SOS1: variants seen among roughly 807,000 people sequenced by gnomAD.
SOS1 encodes the protein SOS Ras/Rac guanine nucleotide exchange factor 1.
In SOS1, 25 loss-of-function variants were observed where a neutral mutation model predicts 157.6. The observed-to-expected ratio is 0.16, with a 90% CI of 0.12 to 0.22. The LOEUF is 0.22. SOS1 is among the 10% of genes least tolerant of loss of function. The pLI, the probability that SOS1 is intolerant of heterozygous loss-of-function variation, is 1.00. For missense variants in SOS1, 1,237 were observed against 1,599.1 expected (o/e 0.77, Z 3.86); for synonymous variants, 528 against 534.0 (o/e 0.99, Z 0.16).
At chr2:39,028,221 T>C (rs1670033292) in intron 8 of SOS1, among the ~76,000 whole-genome samples, 1 of 152,132 alleles carries the variant, frequency 6.6e-6, no homozygotes, top group South Asian at 2.1e-4. Context: ...TTTGGTCCCT[T>C]AGAAATAAGT....
chr2:39,029,643 A>G (rs1195054553), intron 8 of SOS1, among the ~76,000 whole-genome samples: 1 of 152,014 alleles, frequency 6.6e-6, no homozygotes, highest in East Asian at 1.9e-4. Flanking sequence ...ACAAAACAAA[A>G]AACAAAACCC....
chr2:39,116,014 T>C (rs1045949739), intron 1 of SOS1, among the ~76,000 whole-genome samples: 1 of 152,136 alleles, frequency 6.6e-6, no homozygotes, highest in African/African-American at 2.4e-5. Context: ...TGACGAACAT[T>C]GGATTGTTTC....
intron 1 of SOS1, among the ~76,000 whole-genome samples, chr2:39,083,840 A>G (rs1672287178): frequency 6.6e-6 from 1 of 152,222 alleles, no homozygotes; most frequent in Non-Finnish European, 1.5e-5. Flanking sequence ...TACACTGTGG[A>G]ATATGATTGT....
chr2:39,084,080 C>T (rs1337280973), intron 1 of SOS1, among the ~76,000 whole-genome samples: 1 of 152,052 alleles, frequency 6.6e-6, no homozygotes, highest in Non-Finnish European at 1.5e-5. Context: ...CATCTATAAG[C>T]CAAGGAGAGA....
chr2:39,104,548 C>A (rs1358351632), intron 1 of SOS1, among the ~76,000 whole-genome samples: 3 of 152,182 alleles, frequency 2.0e-5, no homozygotes, highest in Non-Finnish European at 2.9e-5. Context: ...AACAATATGG[C>A]AGTTCCTGAA....
At chr2:39,109,879 T>C (rs900799841) in intron 1 of SOS1, among the ~76,000 whole-genome samples, 1 of 152,184 alleles carries the variant, frequency 6.6e-6, no homozygotes, top group Non-Finnish European at 1.5e-5. Flanking sequence ...CAAAAAGATC[T>C]AGAAATACTA....
At chr2:39,103,260 T>C (rs1444669285) in intron 1 of SOS1, among the ~76,000 whole-genome samples, 1 of 152,032 alleles carries the variant, frequency 6.6e-6, no homozygotes, top group African/African-American at 2.4e-5. Flanking sequence ...TTCGATGCAA[T>C]CTCTATCAAA....
At position 38,984,225 on chromosome 2, in the gene SOS1, C is replaced by CT. The variant is rs1165262847; in HGVS notation, c.*1598dup. 18 of 152,020 alleles carry CT rather than the reference C, an allele frequency of 1.2e-4. No individual in the cohort carries two copies. Among genetic ancestry groups the CT allele is most frequent in the African/African-American group, 3.9e-4 (16 of 41,464 alleles). The allele number at this position is 152,020 out of a possible 1,614,324, so 9.4% of individuals were successfully genotyped here. A position where few individuals can be genotyped will look rare whatever the true frequency, so the allele number is the denominator to read the frequency against. ...GATGCTGATGAACCAGATAAACTCT[C>CT]TAAGGATGGAATACTGCACATTTCA... is the stretch of plus-strand genomic sequence containing the variant. On this transcript the variant is annotated 3_prime_UTR_variant, in exon 23 of 23. Coordinates refer to ENST00000402219, the MANE Select transcript of SOS1 (RefSeq NM_005633.4).
At chr2:39,099,098 A>G (rs1416302949) in intron 1 of SOS1, among the ~76,000 whole-genome samples, 1 of 152,230 alleles carries the variant, frequency 6.6e-6, no homozygotes. Flanking sequence ...AATAAAAAAG[A>G]CAAGTGTTGG....
intron 3 of SOS1, among the ~76,000 whole-genome samples, chr2:39,057,557 T>C (rs1317078293): frequency 6.6e-6 from 1 of 152,072 alleles, no homozygotes; most frequent in South Asian, 2.1e-4. Flanking sequence ...TTGTTACAAA[T>C]TGGAGACAGG....
rs1669533658 is a variant in SOS1, at chr2:39,013,533, C to T, written c.2094G>A (p.Glu698=). Residue 698 remains glutamate (E), a synonymous_variant, in exon 13 of 23, where the codon GAG becomes GAA. Coordinates refer to ENST00000402219, the MANE Select transcript of SOS1 (RefSeq NM_005633.4). ...CTCTTTCAAAATCATAGAAGTGGTG[C>T]TCTACCCAGTGCCGACATACATTTA... ...RVLNVCRHWV[E]HHFYDFERDA... 1.9e-6 allele frequency: 3 copies of T among 1,611,382 alleles called. No individual in the cohort carries two copies. Among genetic ancestry groups the T allele is most frequent in the Admixed American group, 3.3e-5 (2 of 59,960 alleles).
chr2:39,075,616 G>A (rs2924710), intron 1 of SOS1, among the ~76,000 whole-genome samples: 5 of 151,658 alleles, frequency 3.3e-5, no homozygotes, highest in African/African-American at 4.8e-5. Flanking sequence ...CCAGCCTGGA[G>A]AAAACAGACA....
intron 22 of SOS1, 57 bp from the exon 23 acceptor site, chr2:38,986,372 A>C: frequency 1.4e-6 from 2 of 1,474,674 alleles, no homozygotes; most frequent in Non-Finnish European, 1.8e-6. Flanking sequence ...AAGTATCATG[A>C]CTATAAGAAT....
At chr2:39,079,967 A>G (rs922177942) in intron 1 of SOS1, among the ~76,000 whole-genome samples, 14 of 152,018 alleles carry the variant, frequency 9.2e-5, no homozygotes, top group African/African-American at 2.9e-4. Flanking sequence ...GTGGTCCCCA[A>G]CCTTTTTGGC....
Position 39,097,776 on chromosome 2 carries a change from G to C in SOS1, c.87+22560C>G, listed in dbSNP as rs559780924. On this transcript the variant is annotated intron_variant, in intron 1 of 22. Transcript: ENST00000402219. Reference sequence around the variant, plus strand: ...GATGGAGTTTCACCATGTTGCCCAGGCATGTCTTGAACTCCTGAGCTCAAG... The same window carrying C: ...GATGGAGTTTCACCATGTTGCCCAGCCATGTCTTGAACTCCTGAGCTCAAG... Among the ~76,000 whole-genome samples the C allele has an allele frequency of 7.9e-5, 12 of 152,188 alleles. No individual in the cohort carries two copies. In the East Asian group the frequency reaches 2.1e-3, roughly 27 times the overall value.
In SOS1 at chr2:39,010,646, A is replaced by T. The variant is rs770499887; in HGVS notation, c.2448T>A (p.Ile816=). ...TCATTTTCAGAAGATTAGGAGAGTT[A>T]ATTTCTTTGTCTTCTTTTGTCCACA... The part of the protein sequence containing the change: ...GSVWTKEDKE[I]NSPNLLKMIR... Residue 816 remains isoleucine (I), a synonymous_variant, in exon 15 of 23, where the codon ATT becomes ATA. Coordinates refer to ENST00000402219, the MANE Select transcript of SOS1 (RefSeq NM_005633.4). 2 of 1,607,154 alleles carry T rather than the reference A, an allele frequency of 1.2e-6. No individual in the cohort carries two copies. Among genetic ancestry groups the T allele is most frequent in the African/African-American group, 2.7e-5 (2 of 74,788 alleles).
At chr2:39,075,186 T>C (rs548376577) in intron 1 of SOS1, among the ~76,000 whole-genome samples, 1 of 152,202 alleles carries the variant, frequency 6.6e-6, no homozygotes, top group Non-Finnish European at 1.5e-5. Flanking sequence ...ATTGAAGACC[T>C]GGACCGAGGC....
intron 1 of SOS1, among the ~76,000 whole-genome samples, chr2:39,074,159 G>A (rs1201752912): frequency 6.6e-6 from 1 of 152,088 alleles, no homozygotes; most frequent in Non-Finnish European, 1.5e-5. Context: ...AGACAAGCCT[G>A]AGCAACACAG....
intron 2 of SOS1, among the ~76,000 whole-genome samples, chr2:39,059,005 ATTCT>A (rs897688501): frequency 1.2e-4 from 18 of 152,278 alleles, no homozygotes; most frequent in African/African-American, 3.6e-4. Context: ...GAGACTAAAC[ATTCT>A]TTCTATTATC....
Sources: allele counts gnomAD v4.1 joint callset (sites outside exome capture counted in the v4.1 genomes callset), GRCh38; gene constraint gnomAD v4.1.1; transcripts MANE v1.5; gene names NCBI Gene and HGNC (gene_info 2026-07-23, HGNC 2026-07-21).